The following ARID1B variants were observed in gnomAD, a reference collection of about 807,000 sequenced individuals.
The protein encoded by ARID1B is AT-rich interactive domain-containing protein 1B.
Under a neutral mutation model 212.3 loss-of-function variants are expected in ARID1B, and 30 were observed. The observed-to-expected ratio is 0.14, with a 90% CI of 0.11 to 0.19. The LOEUF (loss-of-function observed/expected upper bound fraction) is 0.19. ARID1B is among the 10% of genes least tolerant of loss of function. ARID1B has a pLI of 1.00. For synonymous variants in ARID1B, 1,402 were observed against 1,301.7 expected, an observed-to-expected ratio of 1.08 and a Z score of -1.66; for missense variants, 2,891 against 3,204.0, an observed-to-expected ratio of 0.90 and a Z score of 2.36.
chr6:157,062,003 G>A (rs529620468), intron 4 of ARID1B, among the ~76,000 whole-genome samples: 3 of 152,140 alleles, frequency 2.0e-5, no homozygotes, highest in Non-Finnish European at 2.9e-5. Flanking sequence ...TGGGAAAAGC[G>A]AGACAGCAAA....
At chr6:156,971,002 C>G (rs1263422733) in intron 4 of ARID1B, among the ~76,000 whole-genome samples, 1 of 152,114 alleles carries the variant, frequency 6.6e-6, no homozygotes, top group African/African-American at 2.4e-5. Flanking sequence ...TGCTAGTCAC[C>G]CAAAGAAATG....
At chr6:157,119,665 A>T (rs1787568339) in intron 6 of ARID1B, 1 of 152,550 alleles carries the variant, frequency 6.6e-6, no homozygotes, top group Admixed American at 6.5e-5. Context: ...TGAAGGAAGC[A>T]TAACCAGTCA....
At position 156,777,802 on chromosome 6, in the gene ARID1B, A is replaced by AGGCGGGGGCGCGCGGCGCGGC; in HGVS notation, c.128_148dup (p.Gly43_Ala49dup). 3 of 955,752 alleles carry AGGCGGGGGCGCGCGGCGCGGC rather than the reference A, an allele frequency of 3.1e-6. No individual in the cohort carries two copies. The highest frequency in any genetic ancestry group is 3.7e-6 in the Non-Finnish European group (3 of 808,224). The allele number at this position is 955,752 out of a possible 1,614,324, so 59.2% of individuals were successfully genotyped here. On this transcript the variant is annotated inframe_insertion, in exon 1 of 20. Transcript: ENST00000636930. Reference sequence around the variant, plus strand: ...CCGGCGCCCGGAGCCCGGGACCTGGAGGCGGGGGCGCGCGGCGCGGCGGCG... The same window carrying AGGCGGGGGCGCGCGGCGCGGC: ...CCGGCGCCCGGAGCCCGGGACCTGGAGGCGGGGGCGCGCGGCGCGGCGGCGGGGGCGCGCGGCGCGGCGGCG...
chr6:156,845,670 C>G (rs970810713), intron 2 of ARID1B, among the ~76,000 whole-genome samples: 1 of 152,112 alleles, frequency 6.6e-6, no homozygotes, highest in African/African-American at 2.4e-5. Flanking sequence ...TCCTTGATTT[C>G]TAAAATGTGG....
At chr6:156,956,069 A>T (rs904287845) in intron 4 of ARID1B, among the ~76,000 whole-genome samples, 1 of 152,140 alleles carries the variant, frequency 6.6e-6, no homozygotes, top group African/African-American at 2.4e-5. Context: ...TTTTCTAGGG[A>T]TGTAAACCTT....
At chr6:157,073,456 T>C (rs1784111253) in intron 4 of ARID1B, among the ~76,000 whole-genome samples, 1 of 152,168 alleles carries the variant, frequency 6.6e-6, no homozygotes, top group Non-Finnish European at 1.5e-5. Context: ...ATTTACACAT[T>C]CTTTACTCAA....
In ARID1B at chr6:157,198,671, A is replaced by G. The variant is rs538601722; in HGVS notation, c.4383-140A>G. The stretch of plus-strand genomic sequence containing the variant: ...CAGTTGGCGTGCAGCTGCCTCTCAG[A>G]GGGCCTTTGTCGGAGGGGTGCGCAG... On this transcript the variant is annotated intron_variant, in intron 16 of 19. Coordinates refer to ENST00000636930, the MANE Select transcript of ARID1B (RefSeq NM_001374828.1). The G allele has an allele frequency of 5.4e-5, 34 of 627,930 alleles. 1 individual carries two copies. In the South Asian group the frequency reaches 8.0e-4, roughly 15 times the overall value. 38.9% of individuals were successfully genotyped at this position (627,930 alleles called of 1,614,324 possible). A position where few individuals can be genotyped will look rare whatever the true frequency, so the allele number is the denominator to read the frequency against.
At chr6:156,799,748 G>A (rs1395844162) in intron 1 of ARID1B, among the ~76,000 whole-genome samples, 2 of 152,172 alleles carry the variant, frequency 1.3e-5, no homozygotes, top group Non-Finnish European at 2.9e-5. Flanking sequence ...AAAGTGTGAG[G>A]ATTACAGGCA....
Position 156,823,215 on chromosome 6 carries a change from C to G in ARID1B, c.1792-6012C>G, listed in dbSNP as rs578172623. ...TTTACTTTTGCACAGTTGGGCTGTT[C>G]CATTTTTTCTCAATGAGTAGGTGGG... On this transcript the variant is annotated intron_variant, in intron 1 of 19. Coordinates refer to ENST00000636930, the MANE Select transcript of ARID1B (RefSeq NM_001374828.1). 2.8e-4 allele frequency among the ~76,000 whole-genome samples: 43 copies of G among 152,260 alleles called. 1 individual carries two copies. Among genetic ancestry groups the G allele is most frequent in the African/African-American group, 8.9e-4 (37 of 41,544 alleles).
intron 4 of ARID1B, among the ~76,000 whole-genome samples, chr6:157,059,888 A>T (rs1352336915): frequency 6.6e-6 from 1 of 152,202 alleles, no homozygotes; most frequent in Non-Finnish European, 1.5e-5. Flanking sequence ...AGGAGGGGAA[A>T]AATTTATTTC....
intron 2 of ARID1B, among the ~76,000 whole-genome samples, chr6:156,894,489 C>T (rs1364218829): frequency 1.3e-5 from 2 of 152,044 alleles, no homozygotes; most frequent in African/African-American, 4.8e-5. Flanking sequence ...TATATTTTAG[C>T]ACAATTAAAA....
chr6:157,058,397 C>T (rs745330664), intron 4 of ARID1B, among the ~76,000 whole-genome samples: 23 of 151,762 alleles, frequency 1.5e-4, no homozygotes, highest in Non-Finnish European at 3.1e-4. Context: ...CCTGAGTGGC[C>T]GGGACCACAG....
intron 11 of ARID1B, among the ~76,000 whole-genome samples, chr6:157,179,504 A>G (rs1321493668): frequency 1.3e-5 from 2 of 152,222 alleles, no homozygotes; most frequent in Non-Finnish European, 2.9e-5. Flanking sequence ...ATATGTATAC[A>G]TATATATTTT....
At chr6:156,898,208 G>A (rs1788640060) in intron 2 of ARID1B, among the ~76,000 whole-genome samples, 1 of 152,160 alleles carries the variant, frequency 6.6e-6, no homozygotes, top group Non-Finnish European at 1.5e-5. Context: ...GCATGCAACC[G>A]TCTGGTTATA....
At chr6:156,833,709 A>T (rs1331720440) in intron 2 of ARID1B, among the ~76,000 whole-genome samples, 1 of 152,150 alleles carries the variant, frequency 6.6e-6, no homozygotes, top group African/African-American at 2.4e-5. Flanking sequence ...ATATAAACTA[A>T]TTATTTTTGT....
At chr6:157,015,887 T>C (rs570791732) in intron 4 of ARID1B, among the ~76,000 whole-genome samples, 1 of 152,326 alleles carries the variant, frequency 6.6e-6, no homozygotes, top group Non-Finnish European at 1.5e-5. Context: ...AACACAAAGC[T>C]GTGATGTGAA....
intron 4 of ARID1B, among the ~76,000 whole-genome samples, chr6:157,032,278 A>G (rs1781064633): frequency 6.6e-6 from 1 of 152,212 alleles, no homozygotes; most frequent in African/African-American, 2.4e-5. Flanking sequence ...ACTATCTCTT[A>G]AAACCTGAAT....
intron 2 of ARID1B, among the ~76,000 whole-genome samples, chr6:156,856,985 G>C (rs1784997298): frequency 6.6e-6 from 1 of 152,134 alleles, no homozygotes; most frequent in Admixed American, 6.5e-5. Flanking sequence ...AGAAGGGCTT[G>C]CAGTTGGATT....
chr6:156,947,154 G>A (rs897569670), intron 4 of ARID1B, among the ~76,000 whole-genome samples: 2 of 152,186 alleles, frequency 1.3e-5, no homozygotes, highest in African/African-American at 4.8e-5. Context: ...CTGTAGTTCA[G>A]TTGGGACTCA....
Sources: gnomAD v4.1 joint callset for allele counts (sites outside exome capture counted in the v4.1 genomes callset) on GRCh38, gnomAD v4.1.1 for gene constraint, MANE v1.5 for transcripts, NCBI Gene and HGNC (gene_info 2026-07-23, HGNC 2026-07-21) for gene names.